The following RPAP3 variants were observed in gnomAD, a reference collection of about 807,000 sequenced individuals.
The protein encoded by RPAP3 is RNA polymerase II-associated protein 3.
In RPAP3, 58 loss-of-function variants were observed where a neutral mutation model predicts 88.8. The ratio of observed to expected loss-of-function variants is 0.65; its 90% CI spans 0.53 to 0.81. RPAP3 has a LOEUF of 0.81. Ranked by LOEUF, RPAP3 falls within the 40% of genes least tolerant of loss-of-function variation. The pLI is 0.00. For missense variants in RPAP3, 751 were observed against 764.3 expected (o/e 0.98, Z 0.20); for synonymous variants, 255 against 259.9 (o/e 0.98, Z 0.18).
intron 14 of RPAP3, 64 bp from the exon 15 acceptor site, chr12:47,667,915 C>G: frequency 9.6e-7 from 1 of 1,039,558 alleles, no homozygotes; most frequent in Non-Finnish European, 1.4e-6. Context: ...AATTACACAA[C>G]AATTGCTTGG....
chr12:47,697,645 T>G lies in RPAP3; in HGVS notation c.369A>C (p.Glu123Asp). The change falls in exon 4 of 17, where the codon GAA becomes GAC. Residue 123 changes from glutamate to aspartate, a missense_variant. By Grantham distance (45) the Glu-to-Asp change is conservative. Coordinates refer to ENST00000005386, the MANE Select transcript of RPAP3 (RefSeq NM_024604.3). Reference sequence around the variant, plus strand: ...TTTGTGAATCTACATGAATCCCATCTTCTTCCGACTCTGATTCTTGAGACA... The same window carrying G: ...TTTGTGAATCTACATGAATCCCATCGTCTTCCGACTCTGATTCTTGAGACA... ...ESLSQESESE[E>D]DGIHVDSQKA... The G allele has an allele frequency of 1.2e-6, 2 of 1,611,220 alleles. No homozygotes were observed. Among genetic ancestry groups the G allele is most frequent in the Non-Finnish European group, 1.7e-6 (2 of 1,178,594 alleles).
At chr12:47,666,239 A>C (rs531611371) in intron 16 of RPAP3, among the ~76,000 whole-genome samples, 2 of 152,358 alleles carry the variant, frequency 1.3e-5, no homozygotes, top group African/African-American at 4.8e-5. Context: ...AGGATTTCTC[A>C]AAACGGACTC....
rs1303309136 is a variant in RPAP3 at position 47,663,539 on chromosome 12, G to C, written c.1964C>G (p.Ser655Cys). ...HIDKSGLKDS[S>C]VEELKKRYGG ...GTATCTTTTCTTGAGTTCTTCGACA[G>C]AACTATCCTTCAATCCTGACTTGTC... The change falls in exon 17 of 17, where the codon TCT becomes TGT. Residue 655 changes from serine (S) to cysteine (C), a missense_variant. By Grantham distance (112) the Ser-to-Cys change is moderately radical (BLOSUM62 -1). Coordinates refer to ENST00000005386, the MANE Select transcript of RPAP3 (RefSeq NM_024604.3). The C allele has an allele frequency of 1.3e-6, 2 of 1,592,452 alleles. No individual in the cohort carries two copies. The highest frequency in any genetic ancestry group is 3.6e-5 in the Admixed American group (2 of 55,882).
chr12:47,667,948 A>C (rs1938916002), intron 14 of RPAP3, 97 bp from the exon 15 acceptor site: 1 of 776,500 alleles, frequency 1.3e-6, no homozygotes, highest in Non-Finnish European at 2.0e-6. Context: ...AAGAATAACT[A>C]CTTTGGGAGG....
rs1398782180 is a variant in RPAP3, at chr12:47,663,524, T to C, written c.1979A>G (p.Lys660Arg). Residue 660 changes from lysine (K) to arginine (R), a missense_variant, in exon 17 of 17, where the codon AAG becomes AGG. Transcript: ENST00000005386. ...TGGAAATCAACCACCGTATCTTTTCTTGAGTTCTTCGACAGAACTATCCTT... is the reference window on the plus strand; with the variant it reads ...TGGAAATCAACCACCGTATCTTTTCCTGAGTTCTTCGACAGAACTATCCTT... ...GLKDSSVEEL[K>R]KRYGG The C allele has an allele frequency of 6.3e-7, 1 of 1,591,390 alleles. No homozygotes were observed. The highest frequency in any genetic ancestry group is 8.6e-7 in the Non-Finnish European group (1 of 1,168,972).
At chr12:47,668,617 A>G (rs1346158788) in intron 14 of RPAP3, among the ~76,000 whole-genome samples, 1 of 152,196 alleles carries the variant, frequency 6.6e-6, no homozygotes, top group Non-Finnish European at 1.5e-5. Context: ...TGCTTGGCAC[A>G]CAGAAGACAC....
chr12:47,686,906 C>A lies in RPAP3; in HGVS notation c.866G>T (p.Gly289Val). Residue 289 changes from glycine (G) to valine (V), a missense_variant and splice_region_variant, in exon 9 of 17, where the codon GGG becomes GTG. Physicochemically the swap from Gly to Val is moderately radical, Grantham distance 109. Coordinates refer to ENST00000005386, the MANE Select transcript of RPAP3 (RefSeq NM_024604.3). ...KQQAISEKDR[G>V]NGFFKEGKYE... is the part of the protein sequence containing the mutation. ...TTTCCCCTCTTTGAAAAATCCATTCCCCTGTTATTTTGTAGAGAGATATGG... is the reference window on the plus strand; with the variant it reads ...TTTCCCCTCTTTGAAAAATCCATTCACCTGTTATTTTGTAGAGAGATATGG... The A allele has an allele frequency of 6.3e-7, 1 of 1,580,624 alleles. No individual in the cohort carries two copies. Among genetic ancestry groups the A allele is most frequent in the Admixed American group, 1.8e-5 (1 of 54,542 alleles).
intron 12 of RPAP3, among the ~76,000 whole-genome samples, chr12:47,678,405 T>C (rs1210501672): frequency 2.0e-5 from 3 of 152,176 alleles, no homozygotes; most frequent in African/African-American, 7.2e-5. Flanking sequence ...AAATGGGATC[T>C]AATTAAACTA....
chr12:47,664,156 G>A (rs772342838), intron 16 of RPAP3, among the ~76,000 whole-genome samples: 4 of 152,274 alleles, frequency 2.6e-5, no homozygotes, highest in African/African-American at 9.6e-5. Flanking sequence ...TTGGGAGGCC[G>A]AGGCAGGCGG....
chr12:47,705,059 G>A (rs1939757828), intron 1 of RPAP3, among the ~76,000 whole-genome samples: 1 of 152,096 alleles, frequency 6.6e-6, no homozygotes, highest in African/African-American at 2.4e-5. Context: ...ATTTGCCTTT[G>A]ATAATATAAG....
chr12:47,683,343 T>C (rs1448189197), intron 9 of RPAP3, among the ~76,000 whole-genome samples: 1 of 152,212 alleles, frequency 6.6e-6, no homozygotes, highest in Non-Finnish European at 1.5e-5. Flanking sequence ...AATATTTGTA[T>C]ACTTAATACC....
Position 47,686,944 on chromosome 12 carries a change from A to G in RPAP3, c.865-37T>C, listed in dbSNP as rs750581795. 8 of 1,325,336 alleles carry G rather than the reference A, an allele frequency of 6.0e-6. No individual in the cohort carries two copies. The African/African-American group carries it at 1.2e-4, about 20-fold the overall frequency. 82.1% of individuals were successfully genotyped at this position (1,325,336 alleles called of 1,614,324 possible). ...TAGAGAGATATGGAGAATAAAAAAA[A>G]AATTTCAAAAAAAATAAATGAATTC... On this transcript the variant is annotated intron_variant, in intron 8 of 16. Transcript: ENST00000005386.
At chr12:47,704,256 T>C (rs779358717) in intron 1 of RPAP3, among the ~76,000 whole-genome samples, 6 of 151,846 alleles carry the variant, frequency 4.0e-5, no homozygotes, top group Admixed American at 6.6e-5. Context: ...AAACCTAGAG[T>C]GTACTGTTAC....
At chr12:47,700,684 C>A (rs1939638236) in intron 3 of RPAP3, among the ~76,000 whole-genome samples, 1 of 152,198 alleles carries the variant, frequency 6.6e-6, no homozygotes. Context: ...GATGGTGATT[C>A]TCCAAGTATG....
At position 47,663,259 on chromosome 12, in the gene RPAP3, CATAAA is replaced by C. The variant is rs1453835455; in HGVS notation, c.*241_*245del. The C allele has an allele frequency of 2.7e-5, 8 of 296,938 alleles. No individual in the cohort carries two copies. Among genetic ancestry groups the C allele is most frequent in the African/African-American group, 1.3e-4 (6 of 45,664 alleles). The allele number at this position is 296,938 out of a possible 1,614,324, so 18.4% of individuals were successfully genotyped here. ...TCTAAATTTAACATTTAAAATGACT[CATAAA>C]ATAAAATGCTGATCCTTACAAATGT... is the stretch of plus-strand genomic sequence containing the variant. On this transcript the variant is annotated 3_prime_UTR_variant, in exon 17 of 17. Transcript: ENST00000005386.
chr12:47,674,635 A>C (rs2136615158), intron 12 of RPAP3, among the ~76,000 whole-genome samples: 1 of 152,350 alleles, frequency 6.6e-6, no homozygotes, highest in East Asian at 1.9e-4. Flanking sequence ...ATAAAGTGGA[A>C]GAAAGGGTAT....
intron 5 of RPAP3, among the ~76,000 whole-genome samples, chr12:47,694,268 G>C (rs1326226313): frequency 6.6e-6 from 1 of 152,186 alleles, no homozygotes; most frequent in East Asian, 1.9e-4. Context: ...ATGAGAAAGT[G>C]ATCTCGGCAA....
intron 5 of RPAP3, among the ~76,000 whole-genome samples, chr12:47,693,586 T>G (rs559629562): frequency 6.6e-6 from 1 of 152,330 alleles, no homozygotes; most frequent in South Asian, 2.1e-4. Context: ...AAACAAGGTA[T>G]GCCTATAATT....
chr12:47,672,415 G>GAA (rs1939018135), intron 12 of RPAP3, among the ~76,000 whole-genome samples: 1 of 152,138 alleles, frequency 6.6e-6, no homozygotes, highest in Non-Finnish European at 1.5e-5. Context: ...ACTAAAATTT[G>GAA]TTTCACCTGA....
Sources: gnomAD v4.1 joint callset for allele counts (sites outside exome capture counted in the v4.1 genomes callset) on GRCh38, gnomAD v4.1.1 for gene constraint, MANE v1.5 for transcripts, NCBI Gene and HGNC (gene_info 2026-07-23, HGNC 2026-07-21) for gene names.